Variants in ADNP observed in about 807,000 individuals in gnomAD.
ADNP encodes the protein activity-dependent neuroprotector homeobox protein.
A neutral mutation model predicts 84.9 loss-of-function variants in ADNP; 4 were observed. The observed-to-expected ratio is 0.05, with a 90% CI of 0.02 to 0.11. The LOEUF is 0.11. Among genes scored for constraint, ADNP ranks in the 10% least tolerant of loss-of-function variants. The probability of loss-of-function intolerance (pLI) is 1.00; values close to 1 mark genes in which losing one functional copy is unlikely to be tolerated. For synonymous variants in ADNP, 554 were observed against 468.1 expected, an observed-to-expected ratio of 1.18 and a Z score of -2.37; for missense variants, 1,132 against 1,326.0, an observed-to-expected ratio of 0.85 and a Z score of 2.27.
chr20:50,891,231 G>T lies in ADNP; in HGVS notation c.*174C>A, dbSNP rs2122731746. 3 of 1,357,914 alleles carry T rather than the reference G, an allele frequency of 2.2e-6. No homozygotes were observed. Among genetic ancestry groups the T allele is most frequent in the East Asian group, 2.8e-5 (1 of 35,872 alleles). The allele number at this position is 1,357,914 out of a possible 1,614,324, so 84.1% of individuals were successfully genotyped here. ...TCTGTCAGAGAAGGTTCTGAAGCAA[G>T]AACAGCCTGTCCTGTCATAGACTTA... is the stretch of plus-strand genomic sequence containing the variant. On this transcript the variant is annotated 3_prime_UTR_variant, in exon 6 of 6. Coordinates refer to ENST00000621696, the MANE Select transcript of ADNP (RefSeq NM_001282531.3).
chr20:50,896,068 T>TA (rs1174081773), intron 5 of ADNP, among the ~76,000 whole-genome samples: 10 of 149,248 alleles, frequency 6.7e-5, no homozygotes, highest in East Asian at 4.0e-4. Flanking sequence ...TTACTGAAAA[T>TA]AAAAAAAATA....
chr20:50,907,992 A>G (rs1185608629), intron 2 of ADNP, among the ~76,000 whole-genome samples: 2 of 152,126 alleles, frequency 1.3e-5, no homozygotes, highest in African/African-American at 4.8e-5. Context: ...ATTCCTAATA[A>G]CCTTGGAAAT....
At chr20:50,919,473 T>G (rs1303899269) in intron 2 of ADNP, among the ~76,000 whole-genome samples, 1 of 152,002 alleles carries the variant, frequency 6.6e-6, no homozygotes, top group Non-Finnish European at 1.5e-5. Flanking sequence ...TTTTCCCTGC[T>G]GTATCTCTAT....
intron 2 of ADNP, among the ~76,000 whole-genome samples, chr20:50,924,064 A>AT (rs1984135433): frequency 6.6e-6 from 1 of 152,226 alleles, no homozygotes; most frequent in Non-Finnish European, 1.5e-5. Context: ...AGCTTTACAG[A>AT]TTGTCAACTG....
chr20:50,894,132 T>G lies in ADNP; in HGVS notation c.582A>C (p.Ala194=). The G allele has an allele frequency of 6.2e-7, 1 of 1,614,194 alleles. No homozygotes were observed. ...TTTCTCCTGCCTTTGCTATGTAAGG[T>G]GCTGCCACATGCTGAAAATGTTCCC... The part of the protein sequence containing the change: ...IYREHFQHVA[A]PYIAKAGEKS... Residue 194 remains alanine (A), a synonymous_variant, in exon 6 of 6, where the codon GCA becomes GCC. Coordinates refer to ENST00000621696, the MANE Select transcript of ADNP (RefSeq NM_001282531.3).
At chr20:50,900,622 C>A (rs1981877436) in intron 5 of ADNP, among the ~76,000 whole-genome samples, 1 of 152,206 alleles carries the variant, frequency 6.6e-6, no homozygotes, top group Admixed American at 6.5e-5. Flanking sequence ...AGATGTAGTT[C>A]ATCACTGACC....
chr20:50,902,217 C>A, intron 4 of ADNP, 108 bp from the exon 5 acceptor site: 1 of 758,292 alleles, frequency 1.3e-6, no homozygotes, highest in Non-Finnish European at 2.2e-6. Context: ...CACAGGAAAA[C>A]CAACGTCAAC....
intron 2 of ADNP, among the ~76,000 whole-genome samples, chr20:50,915,652 A>T (rs1448837257): frequency 6.6e-6 from 1 of 152,160 alleles, no homozygotes. Context: ...AAAACACGTA[A>T]TTCTGACTAT....
chr20:50,908,515 C>T (rs779404294), intron 2 of ADNP, among the ~76,000 whole-genome samples: 7 of 152,172 alleles, frequency 4.6e-5, no homozygotes, highest in Non-Finnish European at 7.3e-5. Flanking sequence ...TGGCTCATGC[C>T]TGTAATCCCA....
chr20:50,913,287 A>G (rs1300080752), intron 2 of ADNP, among the ~76,000 whole-genome samples: 1 of 138,960 alleles, frequency 7.2e-6, no homozygotes, highest in Non-Finnish European at 1.5e-5. Flanking sequence ...AAAAAAAAAA[A>G]AGGTATCTGT....
intron 2 of ADNP, among the ~76,000 whole-genome samples, chr20:50,914,869 A>G (rs2122930422): frequency 6.6e-6 from 1 of 152,214 alleles, no homozygotes; most frequent in South Asian, 2.1e-4. Flanking sequence ...CAACCATGAG[A>G]TTTTATTTTT....
chr20:50,911,948 TG>T (rs1983079377), intron 2 of ADNP, among the ~76,000 whole-genome samples: 1 of 151,994 alleles, frequency 6.6e-6, no homozygotes, highest in African/African-American at 2.4e-5. Context: ...CAACTGCAGG[TG>T]TAAACTTTGC....
At chr20:50,927,079 C>T (rs1984339853) in intron 2 of ADNP, among the ~76,000 whole-genome samples, 1 of 152,016 alleles carries the variant, frequency 6.6e-6, no homozygotes, top group Non-Finnish European at 1.5e-5. Flanking sequence ...GCCATTTTTG[C>T]CTGATAAAAG....
intron 2 of ADNP, among the ~76,000 whole-genome samples, chr20:50,920,126 A>C (rs1416985309): frequency 6.7e-6 from 1 of 149,778 alleles, no homozygotes; most frequent in African/African-American, 2.5e-5. Flanking sequence ...AAAATACAAA[A>C]ATTAGCCGGG....
chr20:50,892,534 A>G lies in ADNP; in HGVS notation c.2180T>C (p.Leu727Pro). The G allele has an allele frequency of 6.2e-7, 1 of 1,614,206 alleles. No homozygotes were observed. The highest frequency in any genetic ancestry group is 8.5e-7 in the Non-Finnish European group (1 of 1,180,026). Reference sequence around the variant, plus strand: ...ATCATCATCTAACTTTCGTTTTTTCAGTAAGGGAAATTCCATTTGCTCGTA... The same window carrying G: ...ATCATCATCTAACTTTCGTTTTTTCGGTAAGGGAAATTCCATTTGCTCGTA... Reference protein sequence around the residue: ...RTYEQMEFPLLKKRKLDDDSD... With the variant: ...RTYEQMEFPLPKKRKLDDDSD... Residue 727 changes from leucine (L) to proline (P), a missense_variant, in exon 6 of 6, where the codon CTG becomes CCG. By Grantham distance (98) the Leu-to-Pro change is moderately conservative. This residue lies in a region of ADNP where 101 missense variants were observed against 78.5 expected (regional missense o/e 1.29). Coordinates refer to ENST00000621696, the MANE Select transcript of ADNP (RefSeq NM_001282531.3).
intron 5 of ADNP, among the ~76,000 whole-genome samples, chr20:50,898,238 A>C (rs1361891941): frequency 6.6e-6 from 1 of 152,174 alleles, no homozygotes; most frequent in Non-Finnish European, 1.5e-5. Flanking sequence ...CAGCACTCAC[A>C]AACTCACCAC....
chr20:50,921,796 A>G (rs1274679081), intron 2 of ADNP, among the ~76,000 whole-genome samples: 1 of 152,260 alleles, frequency 6.6e-6, no homozygotes, highest in Non-Finnish European at 1.5e-5. Flanking sequence ...GAGTTCACCT[A>G]AAATTGTATT....
chr20:50,904,134 T>TAC, intron 3 of ADNP, 133 bp from the exon 4 acceptor site: 1 of 646,436 alleles, frequency 1.5e-6, no homozygotes, highest in Non-Finnish European at 2.7e-6. Flanking sequence ...ATCTAGTGTG[T>TAC]ACACACACAG....
Position 50,891,681 on chromosome 20 carries a change from T to C in ADNP, c.3033A>G (p.Pro1011=). Residue 1011 remains proline (P), a synonymous_variant, in exon 6 of 6, where the codon CCA becomes CCG. Coordinates refer to ENST00000621696, the MANE Select transcript of ADNP (RefSeq NM_001282531.3). ...SQSEDARSSK[P]AAKKKATMQG... ...GCATGGTAGCCTTTTTTTTGGCAGC[T>C]GGCTTACTGCTCCTTGCATCTTCGC... 1 of 1,614,210 alleles carries C rather than the reference T, an allele frequency of 6.2e-7. No individual in the cohort carries two copies. Among genetic ancestry groups the C allele is most frequent in the South Asian group, 1.1e-5 (1 of 91,080 alleles).
Sources: gnomAD v4.1 joint callset for allele counts (sites outside exome capture counted in the v4.1 genomes callset) on GRCh38, gnomAD v4.1.1 for gene constraint, gnomAD v4.1.1 regional missense constraint, MANE v1.5 for transcripts, NCBI Gene and HGNC (gene_info 2026-07-23, HGNC 2026-07-21) for gene names.